The following GPR143 variants were observed in gnomAD, a reference collection of about 807,000 sequenced individuals.
The protein encoded by GPR143 is G protein-coupled receptor 143.
In GPR143, 8 loss-of-function variants were observed where a neutral mutation model predicts 27.6. That is an observed-to-expected ratio of 0.29 (90% CI 0.17 to 0.52). The LOEUF (loss-of-function observed/expected upper bound fraction) is 0.52. Among genes scored for constraint, GPR143 ranks in the 20% least tolerant of loss-of-function variants. The pLI, the probability that GPR143 is intolerant of heterozygous loss-of-function variation, is 0.96. For synonymous variants in GPR143, 156 were observed against 153.2 expected (o/e 1.02, Z -0.13); for missense variants, 303 against 343.1 (o/e 0.88, Z 0.92).
intron 8 of GPR143, among the ~76,000 whole-genome samples, chrX:9,738,829 G>C (rs1002851402): frequency 2.7e-4 from 30 of 111,929 alleles, no homozygotes; most frequent in African/African-American, 8.4e-4. Context: ...CACCATGTTG[G>C]TCAGGCTGGT....
intron 8 of GPR143, among the ~76,000 whole-genome samples, chrX:9,727,236 T>C (rs2083331970): frequency 8.8e-6 from 1 of 113,284 alleles, no homozygotes; most frequent in African/African-American, 3.2e-5. Flanking sequence ...GGCCTGCTCC[T>C]CCCCGATTCT....
At chrX:9,744,429 G>C (rs1283765002) in intron 5 of GPR143, among the ~76,000 whole-genome samples, 1 of 111,935 alleles carries the variant, frequency 8.9e-6, no homozygotes, top group Non-Finnish European at 1.9e-5. Context: ...AAAAATAGAG[G>C]TGCAGTGGCT....
At chrX:9,755,506 A>C (rs1199938799) in intron 3 of GPR143, among the ~76,000 whole-genome samples, 5 of 110,975 alleles carry the variant, frequency 4.5e-5, no homozygotes, top group Middle Eastern at 4.6e-3. Flanking sequence ...AAAAAAAAAA[A>C]AACTAACTTC....
chrX:9,725,402 A>G lies in GPR143; in HGVS notation c.*344T>C. The G allele has an allele frequency of 4.9e-6, 1 of 204,716 alleles. No individual in the cohort carries two copies. Among genetic ancestry groups the G allele is most frequent in the Non-Finnish European group, 8.9e-6 (1 of 111,864 alleles). 16.9% of individuals were successfully genotyped at this position (204,716 alleles called of 1,213,427 possible). On this transcript the variant is annotated 3_prime_UTR_variant, in exon 9 of 9. Transcript: ENST00000467482. ...GAAGTGTTAAGACAGAATCCAAGTC[A>G]GGCTGAGAGCTCAGTCATAACTATT...
At chrX:9,749,233 C>T (rs775641379) in intron 3 of GPR143, among the ~76,000 whole-genome samples, 6,353 of 105,396 alleles carry the variant, frequency 0.06, 528 homozygotes, top group African/African-American at 0.22. Context: ...CCCTCCCCCC[C>T]CAACCCCCTC....
chrX:9,776,053 AAGT>A (rs2083569957), intron 1 of GPR143, among the ~76,000 whole-genome samples: 1 of 112,168 alleles, frequency 8.9e-6, no homozygotes, highest in Non-Finnish European at 1.9e-5. Context: ...CCAGGCACTC[AAGT>A]AGCCTTGGGT....
At chrX:9,768,498 T>A (rs763327935), upstream of GPR143, among the ~76,000 whole-genome samples, 3 of 111,245 alleles carry the variant, frequency 2.7e-5, no homozygotes, top group Non-Finnish European at 3.8e-5. Context: ...AGGCCAGTCC[T>A]GCTGTCCCTA....
chrX:9,732,522 T>C (rs1176321367), intron 8 of GPR143, among the ~76,000 whole-genome samples: 1 of 111,357 alleles, frequency 9.0e-6, no homozygotes, highest in Non-Finnish European at 1.9e-5. Context: ...AGAGAGAATA[T>C]GGTATAGAGA....
chrX:9,731,661 A>C (rs1409230718), intron 8 of GPR143, among the ~76,000 whole-genome samples: 3 of 111,147 alleles, frequency 2.7e-5, no homozygotes, highest in Admixed American at 1.9e-4. Context: ...GAATTTGGGG[A>C]GAGCCAGGGA....
At chrX:9,743,873 T>C (rs2083416042) in intron 5 of GPR143, among the ~76,000 whole-genome samples, 200 bp from the exon 6 acceptor site, 2 of 112,698 alleles carry the variant, frequency 1.8e-5, no homozygotes, top group Non-Finnish European at 3.7e-5. Flanking sequence ...TTTAAACTTC[T>C]GCTTTGAAAT....
At chrX:9,765,295 C>T (rs866285670) in intron 1 of GPR143, among the ~76,000 whole-genome samples, 1 of 111,798 alleles carries the variant, frequency 8.9e-6, no homozygotes, top group Non-Finnish European at 1.9e-5. Flanking sequence ...GGGCCTCACG[C>T]CCTCACCCCA....
At chrX:9,766,737 C>G (rs1174535547), upstream of GPR143, among the ~76,000 whole-genome samples, 5 of 110,016 alleles carry the variant, frequency 4.5e-5, no homozygotes, top group Admixed American at 9.7e-5. Context: ...AAAAACGAAA[C>G]AAAACAAAAA....
intron 3 of GPR143, among the ~76,000 whole-genome samples, chrX:9,749,226 T>TCG (rs2083441376): frequency 1.4e-5 from 1 of 73,092 alleles, no homozygotes; most frequent in African/African-American, 5.5e-5. Context: ...GGGATTTCCC[T>TCG]CCCCCCCCAA....
intron 2 of GPR143, among the ~76,000 whole-genome samples, chrX:9,760,029 G>T (rs2083489196): frequency 8.9e-6 from 1 of 111,910 alleles, no homozygotes; most frequent in Non-Finnish European, 1.9e-5. Context: ...ATGTGTATGT[G>T]TGTCTGTGTA....
rs180740243 is a variant in GPR143 at position 9,735,201 on chromosome X, T to C, written c.1120+4284A>G. Among the ~76,000 whole-genome samples, 4 of 112,176 alleles carry C rather than the reference T, an allele frequency of 3.6e-5. No individual in the cohort carries two copies. In the East Asian group the frequency reaches 1.1e-3, roughly 32 times the overall value. On this transcript the variant is annotated intron_variant, in intron 8 of 8. Transcript: ENST00000467482. ...CTTCCACGCCCATGCACTGGGCTGGTCCTACAAGCAAATTGCAGTGTCTCT... is the reference window on the plus strand; with the variant it reads ...CTTCCACGCCCATGCACTGGGCTGGCCCTACAAGCAAATTGCAGTGTCTCT...
intron 3 of GPR143, 138 bp from the exon 4 acceptor site, chrX:9,748,804 T>C (rs995679657): frequency 5.3e-5 from 26 of 491,063 alleles, no homozygotes; most frequent in African/African-American, 4.0e-4. Flanking sequence ...AGTTTCCTCG[T>C]GCTGCTGAGG....
Position 9,739,606 on chromosome X carries a change from G to T in GPR143, c.999C>A (p.Thr333=). The T allele has an allele frequency of 8.3e-7, 1 of 1,204,862 alleles. No homozygotes were observed. Among genetic ancestry groups the T allele is most frequent in the Non-Finnish European group, 1.1e-6 (1 of 890,128 alleles). The change falls in exon 8 of 9, where the codon ACC becomes ACA. Residue 333 remains threonine, a synonymous_variant. Transcript: ENST00000467482. The stretch of plus-strand genomic sequence containing the variant: ...GGTGAGCCCCCTCAGCAGCCGAGGT[G>T]GTCAGTGATTCCCACTGGATCTCCT... ...PRKEIQWESL[T]TSAAEGAHPS...
intron 3 of GPR143, among the ~76,000 whole-genome samples, chrX:9,755,585 C>T (rs2083470769): frequency 9.1e-6 from 1 of 110,486 alleles, no homozygotes; most frequent in Admixed American, 9.7e-5. Context: ...CTCAGGGGAA[C>T]ACAGGCCTCT....
intron 8 of GPR143, 89 bp from the exon 9 acceptor site, chrX:9,725,929 G>T: frequency 1.0e-6 from 1 of 989,411 alleles, no homozygotes; most frequent in South Asian, 2.0e-5. Flanking sequence ...TCAGTGCATG[G>T]AGTTTTTCAT....
Sources: allele counts gnomAD v4.1 joint callset (sites outside exome capture counted in the v4.1 genomes callset), GRCh38; gene constraint gnomAD v4.1.1; transcripts MANE v1.5; gene names NCBI Gene and HGNC (gene_info 2026-07-23, HGNC 2026-07-21).